Variants in NRG1 observed in about 807,000 individuals in gnomAD.
NRG1 encodes the protein pro-neuregulin-1, membrane-bound isoform.
In NRG1, 18 loss-of-function variants were observed where a neutral mutation model predicts 63.8. That is an observed-to-expected ratio of 0.28 (90% CI 0.19 to 0.42). NRG1 has a LOEUF of 0.42. Ranked by LOEUF, NRG1 falls within the 10% of genes least tolerant of loss-of-function variation. The pLI is 1.00. For missense variants in NRG1, 762 were observed against 814.7 expected, an observed-to-expected ratio of 0.94 and a Z score of 0.79; for synonymous variants, 302 against 301.3, an observed-to-expected ratio of 1.00 and a Z score of -0.02.
At chr8:32,708,788 G>A (rs535512416) in intron 5 of NRG1, among the ~76,000 whole-genome samples, 2 of 152,258 alleles carry the variant, frequency 1.3e-5, no homozygotes, top group African/African-American at 4.8e-5. Flanking sequence ...TAAAGCAACT[G>A]AGTGTTAACA....
chr8:32,147,775 G>A (rs781701034), intron 1 of NRG1, among the ~76,000 whole-genome samples: 3 of 152,140 alleles, frequency 2.0e-5, no homozygotes, highest in African/African-American at 4.8e-5. Context: ...ATCCACGTAC[G>A]TATGTGAAGA....
At chr8:32,341,200 A>G (rs1350174864) in intron 1 of NRG1, among the ~76,000 whole-genome samples, 1 of 152,236 alleles carries the variant, frequency 6.6e-6, no homozygotes, top group African/African-American at 2.4e-5. Flanking sequence ...AACGTGCAGA[A>G]ACCCGAATTC....
At chr8:31,855,826 A>C (rs1049475287) in intron 1 of NRG1, among the ~76,000 whole-genome samples, 5 of 152,070 alleles carry the variant, frequency 3.3e-5, no homozygotes, top group African/African-American at 1.2e-4. Context: ...AAAATCTCTC[A>C]GCATTTGCTT....
At chr8:32,038,873 T>C (rs368427001) in intron 1 of NRG1, among the ~76,000 whole-genome samples, 90 of 152,194 alleles carry the variant, frequency 5.9e-4, no homozygotes, top group Middle Eastern at 3.4e-3. Flanking sequence ...AGGAATGCTG[T>C]CCCTGGAAAC....
At chr8:32,120,871 C>G (rs1290841931) in intron 1 of NRG1, among the ~76,000 whole-genome samples, 2 of 151,970 alleles carry the variant, frequency 1.3e-5, no homozygotes, top group Non-Finnish European at 2.9e-5. Flanking sequence ...CACAGTGTCC[C>G]TTTTTGAATG....
chr8:31,750,263 C>T (rs1816317190), intron 1 of NRG1, among the ~76,000 whole-genome samples: 1 of 151,874 alleles, frequency 6.6e-6, no homozygotes, highest in South Asian at 2.1e-4. Flanking sequence ...GAATTGCTTC[C>T]ACAGGGGACT....
chr8:32,647,657 G>T, intron 5 of NRG1: 1 of 1,499,482 alleles, frequency 6.7e-7, no homozygotes, highest in South Asian at 1.4e-5. Flanking sequence ...ATTTGGTTGG[G>T]GGGGCCTCTG....
chr8:31,976,351 GA>G (rs1455254192), intron 1 of NRG1, among the ~76,000 whole-genome samples: 1 of 152,152 alleles, frequency 6.6e-6, no homozygotes, highest in East Asian at 1.9e-4. Flanking sequence ...GTAGGTTTCT[GA>G]GCTATTTTTG....
chr8:31,978,284 T>G (rs1343087607), intron 1 of NRG1, among the ~76,000 whole-genome samples: 4 of 152,100 alleles, frequency 2.6e-5, no homozygotes, highest in Admixed American at 2.6e-4. Flanking sequence ...TGTCTCTCAC[T>G]AAATATTAGA....
intron 1 of NRG1, among the ~76,000 whole-genome samples, chr8:31,767,070 AT>A (rs1416856465): frequency 7.3e-5 from 11 of 149,760 alleles, no homozygotes; most frequent in East Asian, 2.0e-4. Flanking sequence ...GCAGCAGGTC[AT>A]TTTTTTTTTC....
At chr8:32,702,376 A>G (rs1815142637) in intron 5 of NRG1, among the ~76,000 whole-genome samples, 1 of 152,260 alleles carries the variant, frequency 6.6e-6, no homozygotes, top group South Asian at 2.1e-4. Context: ...TTGTATGAAA[A>G]TCAAGTAAAT....
chr8:32,579,195 C>CTTTTTTTTTTTTTTTTT (rs71208196), intron 1 of NRG1, among the ~76,000 whole-genome samples: 3 of 105,442 alleles, frequency 2.8e-5, no homozygotes, highest in African/African-American at 6.7e-5. Context: ...TTTCTTCTGT[C>CTTTTTTTTTTTTTTTTT]TTTTTTTTTT....
In NRG1 at chr8:32,366,675, GTGTATATATATATA is replaced by G. The variant is rs1381688338; in HGVS notation, c.38-229151_38-229138del. Among the ~76,000 whole-genome samples, 460 of 54,536 alleles carry G rather than the reference GTGTATATATATATA, an allele frequency of 8.4e-3. 3 individuals are homozygous for G. Among genetic ancestry groups the G allele is most frequent in the African/African-American group, 0.028 (392 of 14,048 alleles). The allele number at this position is 54,536 out of a possible 152,430, so 35.8% of individuals were successfully genotyped here. ...ATATTGTGTGTGTGTGTGTGTGTGT[GTGTATATATATATA>G]TATATATATATATATATATATATAT... On this transcript the variant is annotated intron_variant, in intron 1 of 10. Coordinates refer to the NRG1 transcript ENST00000519301.
At chr8:32,370,658 G>C (rs1251180968) in intron 1 of NRG1, among the ~76,000 whole-genome samples, 1 of 152,024 alleles carries the variant, frequency 6.6e-6, no homozygotes, top group African/African-American at 2.4e-5. Flanking sequence ...AGGAGTTTGA[G>C]ACCAGCCTGG....
intron 1 of NRG1, among the ~76,000 whole-genome samples, chr8:31,763,192 A>G (rs759120089): frequency 6.6e-6 from 1 of 152,242 alleles, no homozygotes; most frequent in African/African-American, 2.4e-5. Context: ...GGAAATCTAT[A>G]ATAAACCTAC....
At chr8:32,517,127 C>T (rs959600939) in intron 1 of NRG1, among the ~76,000 whole-genome samples, 5 of 152,046 alleles carry the variant, frequency 3.3e-5, no homozygotes, top group Non-Finnish European at 7.4e-5. Flanking sequence ...GCTTATTTTA[C>T]CTTTGTGGTT....
chr8:32,545,262 G>A (rs564235232), upstream of NRG1, among the ~76,000 whole-genome samples: 12 of 151,478 alleles, frequency 7.9e-5, no homozygotes, highest in Non-Finnish European at 1.6e-4. Context: ...TTTCTCTTAC[G>A]CTGTCATTTA....
chr8:31,822,034 T>C (rs1824053794), intron 1 of NRG1, among the ~76,000 whole-genome samples: 1 of 152,242 alleles, frequency 6.6e-6, no homozygotes, highest in African/African-American at 2.4e-5. Flanking sequence ...CACTGACCAA[T>C]AGAAGGGCAT....
intron 5 of NRG1, among the ~76,000 whole-genome samples, chr8:32,627,036 A>T (rs1200378695): frequency 1.3e-5 from 2 of 151,806 alleles, no homozygotes; most frequent in Non-Finnish European, 1.5e-5. Flanking sequence ...ATAAAAATAA[A>T]AAAGGAAAAG....
Sources: allele counts gnomAD v4.1 joint callset (sites outside exome capture counted in the v4.1 genomes callset), GRCh38; gene constraint gnomAD v4.1.1; transcripts MANE v1.5; gene names NCBI Gene and HGNC (gene_info 2026-07-23, HGNC 2026-07-21).